Variants in TAS2R1 observed in about 807,000 individuals in gnomAD.
TAS2R1 encodes the protein taste receptor type 2 member 1.
For synonymous variants in TAS2R1, 141 were observed against 134.2 expected (o/e 1.05, Z -0.35); for missense variants, 370 against 353.4 (o/e 1.05, Z -0.38).
the TAS2R1 span, among the ~76,000 whole-genome samples, chr5:9,769,773 T>G: frequency 6.6e-6 from 1 of 152,194 alleles, no homozygotes; most frequent in Non-Finnish European, 1.5e-5. Flanking sequence ...AGATTTTTTT[T>G]GTATAGAGTT....
intron 2 of TAS2R1, among the ~76,000 whole-genome samples, chr5:9,645,233 T>G (rs574342879): frequency 3.3e-5 from 5 of 152,298 alleles, no homozygotes; most frequent in African/African-American, 1.2e-4. Flanking sequence ...CTCTTGACAA[T>G]TTTATGAAAT....
chr5:9,712,736 G>A (rs1028945177), upstream of TAS2R1, among the ~76,000 whole-genome samples: 3 of 152,084 alleles, frequency 2.0e-5, no homozygotes, highest in Admixed American at 6.5e-5. Flanking sequence ...CACGTGCGCT[G>A]TCTCTCTCTC....
chr5:9,670,979 G>T (rs538713237), intron 1 of TAS2R1, among the ~76,000 whole-genome samples: 172 of 152,206 alleles, frequency 1.1e-3, no homozygotes, highest in African/African-American at 4.0e-3. Context: ...GTGCAAGGTT[G>T]GTTCAACTTA....
the TAS2R1 span, among the ~76,000 whole-genome samples, chr5:9,900,137 C>T: frequency 6.6e-6 from 1 of 152,192 alleles, no homozygotes; most frequent in African/African-American, 2.4e-5. Flanking sequence ...GATATGTTCT[C>T]TCTCTGAAAC....
the TAS2R1 span, among the ~76,000 whole-genome samples, chr5:9,838,561 G>C: frequency 5.9e-5 from 9 of 152,278 alleles, no homozygotes; most frequent in Admixed American, 5.2e-4. Flanking sequence ...ACAGCTTTCT[G>C]TTCTTCAGCA....
At chr5:9,668,898 C>G (rs1312984632) in intron 1 of TAS2R1, among the ~76,000 whole-genome samples, 1 of 151,932 alleles carries the variant, frequency 6.6e-6, no homozygotes, top group Admixed American at 6.5e-5. Context: ...ATGACAGGAT[C>G]AAACTTGCAC....
At chr5:9,811,036 A>G in the TAS2R1 span, among the ~76,000 whole-genome samples, 3 of 151,946 alleles carry the variant, frequency 2.0e-5, no homozygotes, top group Admixed American at 6.6e-5. Context: ...TTCCCCTAAA[A>G]CTCATATGTT....
the TAS2R1 span, among the ~76,000 whole-genome samples, chr5:9,762,478 G>C: frequency 6.6e-6 from 1 of 152,210 alleles, no homozygotes; most frequent in Non-Finnish European, 1.5e-5. Flanking sequence ...CTGGTAATGT[G>C]TCTTTTCCAA....
At chr5:9,866,168 C>T in the TAS2R1 span, among the ~76,000 whole-genome samples, 1 of 152,154 alleles carries the variant, frequency 6.6e-6, no homozygotes, top group Non-Finnish European at 1.5e-5. Context: ...TACTACCCTA[C>T]CATGATGCCC....
intron 2 of TAS2R1, among the ~76,000 whole-genome samples, chr5:9,642,246 A>C (rs1364130109): frequency 6.6e-6 from 1 of 152,206 alleles, no homozygotes; most frequent in African/African-American, 2.4e-5. Context: ...GGCATCATGA[A>C]AGTGAGTGGT....
At chr5:9,802,113 C>G in the TAS2R1 span, among the ~76,000 whole-genome samples, 1 of 152,190 alleles carries the variant, frequency 6.6e-6, no homozygotes, top group African/African-American at 2.4e-5. Context: ...TGGCTGGCAG[C>G]CAACCAACAC....
At chr5:9,856,117 T>A in the TAS2R1 span, among the ~76,000 whole-genome samples, 1 of 152,148 alleles carries the variant, frequency 6.6e-6, no homozygotes, top group East Asian at 1.9e-4. Flanking sequence ...TAGAAGCAAC[T>A]AAGAATGCTA....
At chr5:9,816,727 T>C in the TAS2R1 span, among the ~76,000 whole-genome samples, 292 of 152,270 alleles carry the variant, frequency 1.9e-3, 1 homozygote, top group African/African-American at 6.7e-3. Flanking sequence ...AGAAAAGGTA[T>C]TCACAAGCAA....
the TAS2R1 span, among the ~76,000 whole-genome samples, chr5:9,718,675 G>C: frequency 6.6e-6 from 1 of 152,102 alleles, no homozygotes; most frequent in East Asian, 1.9e-4. Context: ...GGAAAAGGAG[G>C]CAACATTTTT....
At chr5:9,762,828 C>T in the TAS2R1 span, among the ~76,000 whole-genome samples, 3 of 152,188 alleles carry the variant, frequency 2.0e-5, no homozygotes, top group African/African-American at 4.8e-5. Flanking sequence ...TCTAAACTTA[C>T]TTAGGAAATT....
At chr5:9,767,551 T>A in the TAS2R1 span, among the ~76,000 whole-genome samples, 1 of 152,214 alleles carries the variant, frequency 6.6e-6, no homozygotes. Flanking sequence ...CAGCAAGCAC[T>A]GCCTCACTGG....
the TAS2R1 span, among the ~76,000 whole-genome samples, chr5:9,896,686 C>T: frequency 6.6e-6 from 1 of 152,346 alleles, no homozygotes. Flanking sequence ...ACTTTATCCA[C>T]TTTGCCATGC....
the TAS2R1 span, among the ~76,000 whole-genome samples, chr5:9,840,880 T>A: frequency 0.21 from 17,495 of 83,314 alleles, 1,505 homozygotes; most frequent in Non-Finnish European, 0.27. Context: ...TTTTTTTTTT[T>A]TTTTTTTTTT....
the TAS2R1 span, among the ~76,000 whole-genome samples, chr5:9,737,381 A>C: frequency 6.6e-6 from 1 of 152,248 alleles, no homozygotes; most frequent in East Asian, 1.9e-4. Context: ...CCACCAGCTC[A>C]GTTTCTCATC....
Sources: allele counts gnomAD v4.1 joint callset (sites outside exome capture counted in the v4.1 genomes callset), GRCh38; gene constraint gnomAD v4.1.1; transcripts MANE v1.5; gene names NCBI Gene and HGNC (gene_info 2026-07-23, HGNC 2026-07-21).